PRKCA: variants seen among roughly 807,000 people sequenced by gnomAD.
PRKCA encodes the protein protein kinase C alpha.
Under a neutral mutation model 87.0 loss-of-function variants are expected in PRKCA, and 27 were observed. The observed-to-expected ratio is 0.31, with a 90% CI of 0.23 to 0.43. The LOEUF (loss-of-function observed/expected upper bound fraction) is 0.43, where lower values mean the gene tolerates loss of function less well. Among genes scored for constraint, PRKCA ranks in the 20% least tolerant of loss-of-function variants. The pLI, the probability that PRKCA is intolerant of heterozygous loss-of-function variation, is 1.00. For missense variants in PRKCA, 518 were observed against 852.3 expected (o/e 0.61, Z 4.88); for synonymous variants, 329 against 311.1 (o/e 1.06, Z -0.61).
At chr17:66,608,143 C>A (rs1256840318) in intron 3 of PRKCA, among the ~76,000 whole-genome samples, 1 of 151,354 alleles carries the variant, frequency 6.6e-6, no homozygotes, top group African/African-American at 2.4e-5. Context: ...TGGAGCACAC[C>A]GATTGGAGCA....
intron 2 of PRKCA, among the ~76,000 whole-genome samples, chr17:66,386,796 CT>C (rs10716192): frequency 0.22 from 33,043 of 150,364 alleles, 3,748 homozygotes; most frequent in Admixed American, 0.32. Context: ...CTCTAAAAGC[CT>C]TTTTTTTTTC....
intron 2 of PRKCA, among the ~76,000 whole-genome samples, chr17:66,474,639 G>T (rs1018315098): frequency 6.6e-6 from 1 of 152,122 alleles, no homozygotes; most frequent in African/African-American, 2.4e-5. Flanking sequence ...GAAATAAAGC[G>T]CTCTCTGTCT....
intron 3 of PRKCA, among the ~76,000 whole-genome samples, chr17:66,626,169 TC>T (rs755282612): frequency 4.6e-5 from 7 of 151,900 alleles, no homozygotes; most frequent in Non-Finnish European, 7.4e-5. Flanking sequence ...TGGTTATATT[TC>T]CTTTTTTCTT....
chr17:66,486,903 C>T (rs1239716534), intron 2 of PRKCA, among the ~76,000 whole-genome samples: 5 of 152,102 alleles, frequency 3.3e-5, no homozygotes, highest in Admixed American at 1.3e-4. Flanking sequence ...TCTTTGGCAG[C>T]GTGTGCACAG....
At chr17:66,369,311 G>C (rs904116124) in intron 2 of PRKCA, among the ~76,000 whole-genome samples, 1 of 152,066 alleles carries the variant, frequency 6.6e-6, no homozygotes, top group Non-Finnish European at 1.5e-5. Context: ...TTCCACGGGA[G>C]GATCATGTGA....
intron 15 of PRKCA, among the ~76,000 whole-genome samples, chr17:66,787,536 C>A (rs1975430815): frequency 6.6e-6 from 1 of 152,214 alleles, no homozygotes; most frequent in African/African-American, 2.4e-5. Context: ...TGACTTAGTT[C>A]TTTCTTTGCT....
Position 66,808,010 on chromosome 17 carries a change from T to A in PRKCA, c.*3973T>A, listed in dbSNP as rs552198796. 6.6e-6 allele frequency: 1 copy of A among 152,230 alleles called. No homozygotes were observed. Among genetic ancestry groups the A allele is most frequent in the South Asian group, 2.1e-4 (1 of 4,810 alleles). The allele number at this position is 152,230 out of a possible 1,614,324, so 9.4% of individuals were successfully genotyped here. Reference sequence around the variant, plus strand: ...AGAGAGTGTTTTGCCAGGGACACAGTCTGTTCCTCCTCAGAAAACACCCCC... The same window carrying A: ...AGAGAGTGTTTTGCCAGGGACACAGACTGTTCCTCCTCAGAAAACACCCCC... On this transcript the variant is annotated 3_prime_UTR_variant, in exon 17 of 17. Coordinates refer to ENST00000413366, the MANE Select transcript of PRKCA (RefSeq NM_002737.3).
intron 16 of PRKCA, among the ~76,000 whole-genome samples, chr17:66,798,968 ATGGTGGTGG>A (rs1555650885): frequency 1.8e-4 from 2 of 10,886 alleles, no homozygotes; most frequent in Non-Finnish European, 3.5e-4. Flanking sequence ...GGTGGTGGTG[ATGGTGGTGG>A]TGGTGGTGGT....
chr17:66,455,781 A>G (rs556716016), intron 2 of PRKCA, among the ~76,000 whole-genome samples: 2 of 152,286 alleles, frequency 1.3e-5, no homozygotes, highest in African/African-American at 4.8e-5. Context: ...ACATCTGAGA[A>G]GGGAGTGAGA....
At chr17:66,711,057 A>AAAATAAAT (rs922998446) in intron 8 of PRKCA, among the ~76,000 whole-genome samples, 1 of 151,726 alleles carries the variant, frequency 6.6e-6, no homozygotes, top group Admixed American at 6.6e-5. Context: ...ATAAATAAAT[A>AAAATAAAT]AAATAAATAA....
At chr17:66,684,730 C>T (rs1055291466) in intron 5 of PRKCA, among the ~76,000 whole-genome samples, 4 of 152,126 alleles carry the variant, frequency 2.6e-5, no homozygotes, top group Non-Finnish European at 4.4e-5. Flanking sequence ...AGCCAGCACC[C>T]GCAATAATTC....
chr17:66,623,495 G>A (rs1970752373), intron 3 of PRKCA, among the ~76,000 whole-genome samples: 1 of 152,134 alleles, frequency 6.6e-6, no homozygotes, highest in Non-Finnish European at 1.5e-5. Context: ...GATATGCAAC[G>A]TGGTCTCTGA....
chr17:66,762,003 TA>T (rs1974696890), intron 13 of PRKCA, among the ~76,000 whole-genome samples: 1 of 152,126 alleles, frequency 6.6e-6, no homozygotes, highest in Non-Finnish European at 1.5e-5. Context: ...GCTGCTCCAG[TA>T]AAAAATCAAT....
In PRKCA at chr17:66,429,029, T is replaced by A. The variant is rs1191814481; in HGVS notation, c.206-67172T>A. On this transcript the variant is annotated intron_variant, in intron 2 of 16. Coordinates refer to ENST00000413366, the MANE Select transcript of PRKCA (RefSeq NM_002737.3). The stretch of plus-strand genomic sequence containing the variant: ...AATGTAGTTGGAAGATCTTTGGGGG[T>A]GATAAAGAACACCTTTTTTGTCAGC... Among the ~76,000 whole-genome samples, 7 of 152,160 alleles carry A rather than the reference T, an allele frequency of 4.6e-5. No homozygotes were observed. In the East Asian group the frequency reaches 1.4e-3, roughly 29 times the overall value.
At chr17:66,505,250 C>T (rs932950527) in intron 3 of PRKCA, among the ~76,000 whole-genome samples, 11 of 152,094 alleles carry the variant, frequency 7.2e-5, no homozygotes, top group East Asian at 1.9e-4. Context: ...TATCCTCATC[C>T]GTAGTTCTGA....
intron 2 of PRKCA, among the ~76,000 whole-genome samples, chr17:66,309,144 G>A (rs757720511): frequency 6.6e-6 from 1 of 152,110 alleles, no homozygotes; most frequent in South Asian, 2.1e-4. Flanking sequence ...AACTAGAGGG[G>A]TGTGTATGCT....
chr17:66,539,790 A>G (rs1967917918), intron 3 of PRKCA, among the ~76,000 whole-genome samples: 1 of 152,234 alleles, frequency 6.6e-6, no homozygotes, highest in Non-Finnish European at 1.5e-5. Context: ...ATGCTTCTTT[A>G]ATTCAGATTT....
At chr17:66,684,389 G>T (rs990255532) in intron 5 of PRKCA, among the ~76,000 whole-genome samples, 2 of 152,218 alleles carry the variant, frequency 1.3e-5, no homozygotes, top group Admixed American at 1.3e-4. Flanking sequence ...AATGCAGGCA[G>T]CCTTGCCCCA....
rs1179138519 is a variant in PRKCA, at chr17:66,426,226, G to A, written c.206-69975G>A. On this transcript the variant is annotated intron_variant, in intron 2 of 16. Transcript: ENST00000413366. ...ACGATGATCAGACAGTCCAGCTGGA[G>A]TGGGGAGTGCTGGTGTAGGGTGGGG... 3.3e-5 allele frequency among the ~76,000 whole-genome samples: 5 copies of A among 152,300 alleles called. No homozygotes were observed. In the East Asian group the frequency reaches 9.6e-4, roughly 29 times the overall value.
Sources: gnomAD v4.1 joint callset for allele counts (sites outside exome capture counted in the v4.1 genomes callset) on GRCh38, gnomAD v4.1.1 for gene constraint, MANE v1.5 for transcripts, NCBI Gene and HGNC (gene_info 2026-07-23, HGNC 2026-07-21) for gene names.